The following EPB41L3 variants were observed in gnomAD, a reference collection of about 807,000 sequenced individuals.
EPB41L3 encodes the protein erythrocyte membrane protein band 4.1 like 3, also known as band 4.1-like protein 3.
Under a neutral mutation model 127.1 loss-of-function variants are expected in EPB41L3, and 57 were observed. The observed-to-expected ratio is 0.45, with a 90% CI of 0.36 to 0.56. The LOEUF (loss-of-function observed/expected upper bound fraction) is 0.56. EPB41L3 is among the 20% of genes least tolerant of loss of function. EPB41L3 has a pLI of 0.00. For synonymous variants in EPB41L3, 572 were observed against 549.5 expected, an observed-to-expected ratio of 1.04 and a Z score of -0.57; for missense variants, 1,273 against 1,372.2, an observed-to-expected ratio of 0.93 and a Z score of 1.14.
intron 14 of EPB41L3, among the ~76,000 whole-genome samples, chr18:5,408,080 A>C (rs563043731): frequency 2.0e-4 from 30 of 152,252 alleles, no homozygotes; most frequent in African/African-American, 7.2e-4. Context: ...TTAAAATTAA[A>C]ATTTGTAAGA....
At chr18:5,486,845 T>C (rs1003575287) in intron 2 of EPB41L3, among the ~76,000 whole-genome samples, 1 of 152,130 alleles carries the variant, frequency 6.6e-6, no homozygotes, top group African/African-American at 2.4e-5. Flanking sequence ...GGCAAGGATG[T>C]GGGGAAAGGA....
At chr18:5,574,320 C>T (rs1348376073) in intron 3 of EPB41L3, among the ~76,000 whole-genome samples, 2 of 151,338 alleles carry the variant, frequency 1.3e-5, no homozygotes, top group African/African-American at 4.9e-5. Context: ...GATCCTCCAA[C>T]CTCAGCCTCT....
intron 1 of EPB41L3, among the ~76,000 whole-genome samples, chr18:5,494,227 C>T (rs2090918688): frequency 6.6e-6 from 1 of 152,156 alleles, no homozygotes. Context: ...TGCTTGACTC[C>T]TGTCCTCCCC....
chr18:5,448,094 T>C (rs1238754036), intron 3 of EPB41L3, among the ~76,000 whole-genome samples: 1 of 152,170 alleles, frequency 6.6e-6, no homozygotes, highest in Admixed American at 6.5e-5. Context: ...GGGCCTCCAT[T>C]TTCTCATCCT....
At chr18:5,625,308 C>T (rs80244289) in intron 1 of EPB41L3, among the ~76,000 whole-genome samples, 12,700 of 151,650 alleles carry the variant, frequency 0.084, 610 homozygotes, top group South Asian at 0.2. Context: ...GAGCCAGAGC[C>T]AGGACTGGTG....
intron 2 of EPB41L3, among the ~76,000 whole-genome samples, chr18:5,481,404 CT>C (rs2088482668): frequency 6.6e-6 from 1 of 152,138 alleles, no homozygotes; most frequent in Admixed American, 6.5e-5. Flanking sequence ...CATGATGCCC[CT>C]CCCCTTGATT....
intron 3 of EPB41L3, among the ~76,000 whole-genome samples, chr18:5,470,874 G>C (rs1456872919): frequency 6.6e-6 from 1 of 152,218 alleles, no homozygotes; most frequent in Non-Finnish European, 1.5e-5. Flanking sequence ...GCAGATGGGA[G>C]GCCACTGTAG....
At chr18:5,528,715 A>G (rs2093317014) in intron 1 of EPB41L3, among the ~76,000 whole-genome samples, 1 of 152,022 alleles carries the variant, frequency 6.6e-6, no homozygotes, top group South Asian at 2.1e-4. Context: ...CCCATGCCTC[A>G]GCCTCCCAAG....
intron 22 of EPB41L3, 125 bp from the exon 23 acceptor site, chr18:5,393,603 C>T (rs1173311511): frequency 4.8e-6 from 3 of 618,702 alleles, no homozygotes; most frequent in Non-Finnish European, 8.7e-6. Flanking sequence ...CATGACATTC[C>T]AGCGTTAAGT....
chr18:5,404,598 A>G (rs944095366), intron 16 of EPB41L3, among the ~76,000 whole-genome samples: 3 of 152,162 alleles, frequency 2.0e-5, no homozygotes, highest in Admixed American at 2.0e-4. Context: ...TTAATTCTCT[A>G]ATGTTTAGGG....
Position 5,434,580 on chromosome 18 carries a change from C to T in EPB41L3, c.606-459G>A, listed in dbSNP as rs564015498. On this transcript the variant is annotated intron_variant, in intron 6 of 22. Coordinates refer to ENST00000341928, the MANE Select transcript of EPB41L3 (RefSeq NM_012307.5). ...TGGACCACATATAAGATGGTGGTCC[C>T]ATGAGATTATAATGGAGCTAAAAAA... Among the ~76,000 whole-genome samples, 4 of 152,252 alleles carry T rather than the reference C, an allele frequency of 2.6e-5. No homozygotes were observed. In the East Asian group the frequency reaches 5.8e-4, roughly 22 times the overall value.
intron 6 of EPB41L3, among the ~76,000 whole-genome samples, chr18:5,434,821 T>C (rs967735220): frequency 6.6e-6 from 1 of 152,242 alleles, no homozygotes; most frequent in Admixed American, 6.5e-5. Context: ...AGTGTACTCC[T>C]TCTATTTGTA....
At chr18:5,530,828 T>C (rs1274348392) in intron 1 of EPB41L3, among the ~76,000 whole-genome samples, 2 of 152,092 alleles carry the variant, frequency 1.3e-5, no homozygotes, top group Non-Finnish European at 2.9e-5. Context: ...ATCACAGCAC[T>C]TGGGAGGCAA....
At chr18:5,454,041 G>A (rs1314447433) in intron 3 of EPB41L3, among the ~76,000 whole-genome samples, 2 of 152,082 alleles carry the variant, frequency 1.3e-5, no homozygotes, top group Non-Finnish European at 2.9e-5. Context: ...ACTCTAAAGA[G>A]TTCGGCAAAC....
chr18:5,428,425 C>T lies in EPB41L3; in HGVS notation c.953G>A (p.Ser318Asn). 1 of 1,614,186 alleles carries T rather than the reference C, an allele frequency of 6.2e-7. No individual in the cohort carries two copies. Among genetic ancestry groups the T allele is most frequent in the Non-Finnish European group, 8.5e-7 (1 of 1,180,046 alleles). The change falls in exon 9 of 23, where the codon AGT becomes AAT. Residue 318 changes from serine to asparagine, a missense_variant. Ser to Asn is a conservative substitution (Grantham distance 46). Coordinates refer to ENST00000341928, the MANE Select transcript of EPB41L3 (RefSeq NM_012307.5). ...CCGGTCGCGATATATCAACAGACCACTTGCACAAACTCCTAACATAATTTC... is the reference window on the plus strand; with the variant it reads ...CCGGTCGCGATATATCAACAGACCATTTGCACAAACTCCTAACATAATTTC... Reference protein sequence around the residue: ...GVEIMLGVCASGLLIYRDRLR... With the variant: ...GVEIMLGVCANGLLIYRDRLR...
At chr18:5,488,351 G>A (rs1456349259) in intron 2 of EPB41L3, among the ~76,000 whole-genome samples, 1 of 151,968 alleles carries the variant, frequency 6.6e-6, no homozygotes, top group Non-Finnish European at 1.5e-5. Flanking sequence ...ACTCATAAGT[G>A]GGAGTCGAAC....
chr18:5,465,953 T>C (rs745376944), intron 3 of EPB41L3, among the ~76,000 whole-genome samples: 52 of 146,916 alleles, frequency 3.5e-4, no homozygotes, highest in Admixed American at 5.4e-4. Flanking sequence ...GAGTGATCCA[T>C]ATGTATTACC....
chr18:5,460,206 T>C (rs2083749447), intron 3 of EPB41L3, among the ~76,000 whole-genome samples: 1 of 152,192 alleles, frequency 6.6e-6, no homozygotes, highest in African/African-American at 2.4e-5. Flanking sequence ...TGGCTGCTTT[T>C]CTCTGCTGAC....
chr18:5,400,357 A>G (rs909524770), intron 16 of EPB41L3: 2 of 351,164 alleles, frequency 5.7e-6, no homozygotes, highest in Non-Finnish European at 5.5e-6. Context: ...TACATTTTAA[A>G]CTAGAATGTT....
Sources: allele counts gnomAD v4.1 joint callset (sites outside exome capture counted in the v4.1 genomes callset), GRCh38; gene constraint gnomAD v4.1.1; transcripts MANE v1.5; gene names NCBI Gene and HGNC (gene_info 2026-07-23, HGNC 2026-07-21).